Variants in OPCML observed in about 807,000 individuals in gnomAD.
The protein encoded by OPCML is opioid binding protein/cell adhesion molecule like, also known as opioid-binding protein/cell adhesion molecule.
Under a neutral mutation model 37.8 loss-of-function variants are expected in OPCML, and 13 were observed. The observed-to-expected ratio is 0.34, with a 90% CI of 0.22 to 0.55. The LOEUF is 0.55. Among genes scored for constraint, OPCML ranks in the 20% least tolerant of loss-of-function variants. OPCML has a pLI of 0.91. For synonymous variants in OPCML, 176 were observed against 168.8 expected, an observed-to-expected ratio of 1.04 and a Z score of -0.33; for missense variants, 341 against 435.6, an observed-to-expected ratio of 0.78 and a Z score of 1.93.
intron 2 of OPCML, among the ~76,000 whole-genome samples, chr11:132,939,886 G>T (rs1328406055): frequency 6.6e-6 from 1 of 152,192 alleles, no homozygotes; most frequent in Non-Finnish European, 1.5e-5. Flanking sequence ...GGGCCCATTT[G>T]TAATAATGAA....
chr11:133,067,217 G>A (rs550561631), intron 1 of OPCML: 14 of 152,284 alleles, frequency 9.2e-5, no homozygotes, highest in African/African-American at 3.4e-4. Context: ...CCATTTTCCA[G>A]ATGAAGAAAC....
chr11:133,179,934 G>A (rs1275560729), intron 1 of OPCML, among the ~76,000 whole-genome samples: 1 of 152,194 alleles, frequency 6.6e-6, no homozygotes, highest in Non-Finnish European at 1.5e-5. Flanking sequence ...AAAGCTGGAA[G>A]GTGAAGCTGG....
intron 4 of OPCML, among the ~76,000 whole-genome samples, chr11:132,527,883 T>C (rs1290776413): frequency 6.6e-6 from 1 of 152,066 alleles, no homozygotes; most frequent in Non-Finnish European, 1.5e-5. Context: ...TGGACACAGA[T>C]GCATCTAGGA....
chr11:133,171,767 G>T (rs961141182), intron 1 of OPCML, among the ~76,000 whole-genome samples: 3 of 152,206 alleles, frequency 2.0e-5, no homozygotes, highest in African/African-American at 7.2e-5. Context: ...ATTCTTGAAA[G>T]ATGTCAAAGA....
At chr11:133,360,453 G>A (rs1272197906) in intron 1 of OPCML, 6 of 152,256 alleles carry the variant, frequency 3.9e-5, no homozygotes, top group Admixed American at 3.3e-4. Flanking sequence ...ACTGAAGCCA[G>A]GGCAGGCTCA....
chr11:132,687,369 CATAT>C (rs56834972), intron 2 of OPCML, among the ~76,000 whole-genome samples: 45 of 49,370 alleles, frequency 9.1e-4, no homozygotes, highest in Middle Eastern at 0.015. Context: ...CCTTAAGCTA[CATAT>C]ATATATATAT....
At chr11:132,697,970 T>A (rs1180891819) in intron 2 of OPCML, among the ~76,000 whole-genome samples, 2 of 143,562 alleles carry the variant, frequency 1.4e-5, no homozygotes, top group African/African-American at 2.7e-5. Context: ...TATTTTATTT[T>A]ATTTTCTATT....
chr11:132,482,329 A>G (rs2096183548), intron 4 of OPCML, among the ~76,000 whole-genome samples: 1 of 152,092 alleles, frequency 6.6e-6, no homozygotes, highest in Non-Finnish European at 1.5e-5. Flanking sequence ...GAAGAAATGG[A>G]TAAATTCCTT....
At chr11:133,464,325 A>T (rs934500387) in intron 1 of OPCML, among the ~76,000 whole-genome samples, 3 of 151,934 alleles carry the variant, frequency 2.0e-5, no homozygotes, top group African/African-American at 7.3e-5. Context: ...CTTTCTTTTC[A>T]CATCAAGCAA....
chr11:133,106,562 G>A (rs148199489), intron 1 of OPCML, among the ~76,000 whole-genome samples: 54 of 152,354 alleles, frequency 3.5e-4, no homozygotes, highest in Non-Finnish European at 2.5e-4. Context: ...TGGGGCTGCA[G>A]TGCTTATAGC....
Position 133,373,721 on chromosome 11 carries a change from G to A in OPCML, c.61+158543C>T, listed in dbSNP as rs146701624. Among the ~76,000 whole-genome samples the A allele has an allele frequency of 7.3e-3, 1,108 of 152,012 alleles. 17 individuals are homozygous for A. The highest frequency in any genetic ancestry group is 0.025 in the African/African-American group (1,020 of 41,474). ...CCCAAACATCTTACCAAAAAAATAAGTAAGTAAAACTAAATAAACACTATT... is the reference window on the plus strand; with the variant it reads ...CCCAAACATCTTACCAAAAAAATAAATAAGTAAAACTAAATAAACACTATT... On this transcript the variant is annotated intron_variant, in intron 1 of 7. Coordinates refer to ENST00000524381, the MANE Select transcript of OPCML (RefSeq NM_001012393.5).
In OPCML at chr11:132,536,067, C is replaced by T. The variant is rs76011617; in HGVS notation, c.380-6881G>A. Among the ~76,000 whole-genome samples the T allele has an allele frequency of 9.2e-3, 1,404 of 152,222 alleles. 103 individuals carry two copies. In the East Asian group the frequency reaches 0.18, roughly 20 times the overall value. On this transcript the variant is annotated intron_variant, in intron 3 of 7. Transcript: ENST00000524381. ...CAGCCAAGATTAGGAGTCATTGCTA[C>T]ACCCCCGCAAGGGGCACCTGTTCTG...
chr11:132,746,206 C>T (rs1185390586), intron 2 of OPCML, among the ~76,000 whole-genome samples: 1 of 152,146 alleles, frequency 6.6e-6, no homozygotes, highest in African/African-American at 2.4e-5. Flanking sequence ...CAGGACAGAG[C>T]CACTGCTAAC....
chr11:132,777,766 A>G (rs1411231695), intron 2 of OPCML, among the ~76,000 whole-genome samples: 1 of 152,128 alleles, frequency 6.6e-6, no homozygotes, highest in South Asian at 2.1e-4. Flanking sequence ...GTTGGGAGCT[A>G]ATTGGGAACG....
intron 2 of OPCML, among the ~76,000 whole-genome samples, chr11:132,936,879 C>T (rs957785189): frequency 3.9e-5 from 6 of 152,024 alleles, no homozygotes; most frequent in Admixed American, 2.6e-4. Flanking sequence ...TGAGCAAGAG[C>T]GGCTTCATTC....
chr11:133,441,072 CTG>C (rs1275178723), intron 1 of OPCML, among the ~76,000 whole-genome samples: 1 of 151,594 alleles, frequency 6.6e-6, no homozygotes, highest in African/African-American at 2.4e-5. Flanking sequence ...TAAGAAAGCT[CTG>C]TAAGGAGACA....
At chr11:132,834,953 C>G (rs12801333) in intron 2 of OPCML, among the ~76,000 whole-genome samples, 10,109 of 151,184 alleles carry the variant, frequency 0.067, 388 homozygotes, top group Non-Finnish European at 0.076. Context: ...TCAATTAGCC[C>G]CTCAAGGCTA....
intron 3 of OPCML, among the ~76,000 whole-genome samples, chr11:132,638,340 C>A (rs1404516448): frequency 1.3e-5 from 2 of 151,630 alleles, no homozygotes; most frequent in Non-Finnish European, 2.9e-5. Flanking sequence ...TAGCTGGTAA[C>A]AGAAAAAAAG....
chr11:132,687,477 A>T (rs948830020), intron 2 of OPCML, among the ~76,000 whole-genome samples: 1 of 139,506 alleles, frequency 7.2e-6, no homozygotes, highest in Non-Finnish European at 1.5e-5. Context: ...GCAATTTAAG[A>T]TCCTTAACAT....
Sources: gnomAD v4.1 joint callset for allele counts (sites outside exome capture counted in the v4.1 genomes callset) on GRCh38, gnomAD v4.1.1 for gene constraint, MANE v1.5 for transcripts, NCBI Gene and HGNC (gene_info 2026-07-23, HGNC 2026-07-21) for gene names.